CD1D: variants seen among roughly 807,000 people sequenced by gnomAD.
CD1D encodes the protein antigen-presenting glycoprotein CD1d.
A neutral mutation model predicts 42.1 loss-of-function variants in CD1D; 40 were observed. That is an observed-to-expected ratio of 0.95 (90% confidence interval 0.74 to 1.24). CD1D has a LOEUF of 1.24. CD1D is among the 50% of genes most tolerant of loss of function. The pLI, the probability that CD1D is intolerant of heterozygous loss-of-function variation, is 0.00. For missense variants in CD1D, 437 were observed against 416.5 expected (o/e 1.05, Z -0.43); for synonymous variants, 178 against 171.8 (o/e 1.04, Z -0.28).
Position 158,183,015 on chromosome 1 carries a change from C to G in CD1D, c.745C>G (p.Gln249Glu). ...MRGEQEQQGT[Q>E]PGDILPNADE... ...GGGTGAGCAGGAGCAGCAGGGCACTCAGCCAGGGGACATCCTGCCCAATGC... is the reference window on the plus strand; with the variant it reads ...GGGTGAGCAGGAGCAGCAGGGCACTGAGCCAGGGGACATCCTGCCCAATGC... The change falls in exon 4 of 6, where the codon CAG becomes GAG. Residue 249 changes from glutamine to glutamate, a missense_variant. Transcript: ENST00000674085. 1 of 1,614,146 alleles carries G rather than the reference C, an allele frequency of 6.2e-7. No homozygotes were observed. Among genetic ancestry groups the G allele is most frequent in the Non-Finnish European group, 8.5e-7 (1 of 1,179,972 alleles).
At chr1:158,179,762 G>A (rs859007), upstream of CD1D, among the ~76,000 whole-genome samples, 151,419 of 152,226 alleles carry the variant, frequency 0.99, 75,314 homozygotes, top group Middle Eastern at 1. Context: ...AAGGTCAAGA[G>A]CTTTCATGTA....
At position 158,182,147 on chromosome 1, in the gene CD1D, T is replaced by C. The variant is rs1207896704; in HGVS notation, c.444T>C (p.Ser148=). 6 of 1,614,050 alleles carry C rather than the reference T, an allele frequency of 3.7e-6. No individual in the cohort carries two copies. The highest frequency in any genetic ancestry group is 5.1e-6 in the Non-Finnish European group (6 of 1,180,032). Residue 148 remains serine, a synonymous_variant, in exon 3 of 6, where the codon TCT becomes TCC. Transcript: ENST00000674085. The part of the protein sequence containing the change: ...GKDILSFQGT[S]WEPTQEAPLW... ...ATATCCTGAGTTTCCAAGGAACTTC[T>C]TGGGAGCCAACCCAAGAGGCCCCAC... is the stretch of plus-strand genomic sequence containing the variant.
chr1:158,181,434 C>G, intron 1 of CD1D, 21 bp from the exon 2 acceptor site: 1 of 1,611,466 alleles, frequency 6.2e-7, no homozygotes, highest in Non-Finnish European at 8.5e-7. Context: ...CTACACGCCT[C>G]CAATCTTCAT....
upstream of CD1D, among the ~76,000 whole-genome samples, chr1:158,179,555 A>G (rs1230255900): frequency 1.3e-5 from 2 of 152,186 alleles, no homozygotes; most frequent in Admixed American, 1.3e-4. Flanking sequence ...TTCTATAATT[A>G]TAAACTCTGC....
rs1413841457 is a variant in CD1D, at chr1:158,180,989, G to A, written c.-113G>A. The A allele has an allele frequency of 1.0e-6, 1 of 998,198 alleles. No individual in the cohort carries two copies. Among genetic ancestry groups the A allele is most frequent in the African/African-American group, 1.6e-5 (1 of 61,144 alleles). 61.8% of individuals were successfully genotyped at this position (998,198 alleles called of 1,614,324 possible). ...GAGGGCTGCCGGGGTCTGGGCTTGG[G>A]AATTGGCTGGCACCCAGCGGAAAGG... On this transcript the variant is annotated 5_prime_UTR_variant, in exon 1 of 6. Coordinates refer to ENST00000674085, the MANE Select transcript of CD1D (RefSeq NM_001371762.2).
Position 158,182,106 on chromosome 1 carries a change from G to T in CD1D, c.403G>T (p.Ala135Ser). 1 of 1,614,068 alleles carries T rather than the reference G, an allele frequency of 6.2e-7. No homozygotes were observed. The highest frequency in any genetic ancestry group is 8.5e-7 in the Non-Finnish European group (1 of 1,179,968). ...GNASNNFFHV[A>S]FQGKDILSFQ... Reference sequence around the variant, plus strand: ...CGCCTCAAATAACTTCTTCCATGTAGCATTTCAAGGAAAAGATATCCTGAG... The same window carrying T: ...CGCCTCAAATAACTTCTTCCATGTATCATTTCAAGGAAAAGATATCCTGAG... The change falls in exon 3 of 6, where the codon GCA (alanine) becomes TCA (serine). Residue 135 changes from alanine (A) to serine (S), a missense_variant. Coordinates refer to ENST00000674085, the MANE Select transcript of CD1D (RefSeq NM_001371762.2).
chr1:158,185,211 A>G lies in CD1D; in HGVS notation c.*1061A>G, dbSNP rs1339394471. Reference sequence around the variant, plus strand: ...CAGACCTTTCTGATGCCAAAGAAATAAGGAGGCCAAAATCATGTTTGCCTA... The same window carrying G: ...CAGACCTTTCTGATGCCAAAGAAATGAGGAGGCCAAAATCATGTTTGCCTA... On this transcript the variant is annotated 3_prime_UTR_variant, in exon 6 of 6. Transcript: ENST00000674085. Among the ~76,000 whole-genome samples, 3 of 152,228 alleles carry G rather than the reference A, an allele frequency of 2.0e-5. No individual in the cohort carries two copies. The highest frequency in any genetic ancestry group is 3.8e-4 in the East Asian group (2 of 5,196).
At chr1:158,181,813 A>T (rs1416579074) in intron 2 of CD1D, 92 bp downstream of exon 2, 11 of 1,503,366 alleles carry the variant, frequency 7.3e-6, no homozygotes, top group Middle Eastern at 1.8e-4. Context: ...ACCTGATGAG[A>T]TTCTCTGCTC....
rs565014942 is a variant in CD1D at position 158,181,753 on chromosome 1, C to A, written c.328+32C>A. 2.7e-5 allele frequency: 44 copies of A among 1,600,396 alleles called. No individual in the cohort carries two copies. The East Asian group carries it at 6.2e-4, about 23-fold the overall frequency. ...TGAGGGATAGGATCCTGGGCCGGTA[C>A]CCAAGGGGAGAGAATGGCCACAGAA... On this transcript the variant is annotated intron_variant, in intron 2 of 5. Transcript: ENST00000674085.
chr1:158,182,772 A>G, intron 3 of CD1D, 106 bp from the exon 4 acceptor site: 1 of 1,288,710 alleles, frequency 7.8e-7, no homozygotes, highest in Non-Finnish European at 1.1e-6. Flanking sequence ...GCATACAGGA[A>G]GGAGGGAAAT....
In CD1D at chr1:158,181,702, C is replaced by A. The variant is rs1257069704; in HGVS notation, c.309C>A (p.Ala103=). ...TCACCAGGGACGTGAAGGAATTCGC[C>A]AAAATGCTACGCTTATCCTGTGAGC... ...SSFTRDVKEF[A]KMLRLSYPLE... The change falls in exon 2 of 6, where the codon GCC becomes GCA. Residue 103 remains alanine, a synonymous_variant. Coordinates refer to ENST00000674085, the MANE Select transcript of CD1D (RefSeq NM_001371762.2). 1 of 1,610,432 alleles carries A rather than the reference C, an allele frequency of 6.2e-7. No homozygotes were observed. Among genetic ancestry groups the A allele is most frequent in the Non-Finnish European group, 8.5e-7 (1 of 1,180,010 alleles).
chr1:158,185,610 GCC>G lies in CD1D; in HGVS notation c.*1462_*1463del, dbSNP rs1475583085. ...AGGCTGAGGTGGGAGGATCCCTTGA[GCC>G]CATGAATTCCAGGTTAGTGTGAGCT... On this transcript the variant is annotated 3_prime_UTR_variant, in exon 6 of 6. Coordinates refer to ENST00000674085, the MANE Select transcript of CD1D (RefSeq NM_001371762.2). Among the ~76,000 whole-genome samples, 1 of 152,096 alleles carries G rather than the reference GCC, an allele frequency of 6.6e-6. No homozygotes were observed. The highest frequency in any genetic ancestry group is 1.5e-5 in the Non-Finnish European group (1 of 68,016).
intron 3 of CD1D, 185 bp downstream of exon 3, chr1:158,182,495 A>T: frequency 1.5e-6 from 1 of 666,580 alleles, no homozygotes; most frequent in Middle Eastern, 2.5e-4. Context: ...CTATGAATTC[A>T]ATTAATGAAC....
At position 158,181,476 on chromosome 1, in the gene CD1D, T is replaced by A; in HGVS notation, c.83T>A (p.Leu28His). 1 of 1,613,972 alleles carries A rather than the reference T, an allele frequency of 6.2e-7. No homozygotes were observed. The highest frequency in any genetic ancestry group is 8.5e-7 in the Non-Finnish European group (1 of 1,179,944). Residue 28 changes from leucine (L) to histidine (H), a missense_variant, in exon 2 of 6, where the codon CTC (leucine) becomes CAC (histidine). Coordinates refer to ENST00000674085, the MANE Select transcript of CD1D (RefSeq NM_001371762.2). ...CCAGTCCCGCAAAGGCTTTTCCCCC[T>A]CCGCTGCCTCCAGATCTCGTCCTTC... ...SAEVPQRLFPLRCLQISSFAN... is the reference protein window; with the variant it reads ...SAEVPQRLFPHRCLQISSFAN...
upstream of CD1D, chr1:158,180,195 C>G (rs1243624517): frequency 1.3e-5 from 2 of 152,172 alleles, no homozygotes; most frequent in African/African-American, 2.4e-5. Context: ...GATTTTTGGT[C>G]ACTTTTTCTT....
Position 158,184,189 on chromosome 1 carries a change from T to G in CD1D, c.*39T>G. ...ATCTGTGTCTCTGGAACCCAGGACC[T>G]CTGGACCTCAGGTTCCTAAGACTTC... On this transcript the variant is annotated 3_prime_UTR_variant, in exon 6 of 6. Transcript: ENST00000674085. 6.2e-7 allele frequency: 1 copy of G among 1,610,812 alleles called. No individual in the cohort carries two copies. Among genetic ancestry groups the G allele is most frequent in the Non-Finnish European group, 8.5e-7 (1 of 1,177,172 alleles).
At chr1:158,183,892 G>A in intron 4 of CD1D, 44 bp from the exon 5 acceptor site, 1 of 1,452,860 alleles carries the variant, frequency 6.9e-7, no homozygotes, top group Non-Finnish European at 9.7e-7. Context: ...TATATGTAGA[G>A]AGGGGTCCTG....
rs1327366302 is a variant in CD1D, at chr1:158,185,109, G to A, written c.*959G>A. 1.3e-5 allele frequency among the ~76,000 whole-genome samples: 2 copies of A among 151,818 alleles called. No individual in the cohort carries two copies. Among genetic ancestry groups the A allele is most frequent in the Non-Finnish European group, 1.5e-5 (1 of 67,950 alleles). Reference sequence around the variant, plus strand: ...ACCACTTGGGCAAGCATGAGCTGCAGCGATGATGGTGATGGTAGCCCAGCC... The same window carrying A: ...ACCACTTGGGCAAGCATGAGCTGCAACGATGATGGTGATGGTAGCCCAGCC... On this transcript the variant is annotated 3_prime_UTR_variant, in exon 6 of 6. Transcript: ENST00000674085.
intron 3 of CD1D, 28 bp from the exon 4 acceptor site, chr1:158,182,850 A>T (rs1236606367): frequency 6.4e-7 from 1 of 1,569,262 alleles, no homozygotes; most frequent in Non-Finnish European, 8.6e-7. Context: ...TCACTTTAAG[A>T]TCCCCCCCAT....
Sources: gnomAD v4.1 joint callset for allele counts (sites outside exome capture counted in the v4.1 genomes callset) on GRCh38, gnomAD v4.1.1 for gene constraint, MANE v1.5 for transcripts, NCBI Gene and HGNC (gene_info 2026-07-23, HGNC 2026-07-21) for gene names.